The following NAALADL2 variants were observed in gnomAD, a reference collection of about 807,000 sequenced individuals.
NAALADL2 encodes inactive N-acetylated-alpha-linked acidic dipeptidase-like protein 2.
A neutral mutation model predicts 87.2 loss-of-function variants in NAALADL2; 76 were observed. The observed-to-expected ratio is 0.87, with a 90% CI of 0.72 to 1.05. The LOEUF (loss-of-function observed/expected upper bound fraction) is 1.05. Among genes scored for constraint, NAALADL2 ranks in the 50% least tolerant of loss-of-function variants. The pLI, the probability that NAALADL2 is intolerant of heterozygous loss-of-function variation, is 0.00. For missense variants in NAALADL2, 1,089 were observed against 945.8 expected, an observed-to-expected ratio of 1.15 and a Z score of -1.99; for synonymous variants, 354 against 331.0, an observed-to-expected ratio of 1.07 and a Z score of -0.75.
At chr3:175,759,404 G>C (rs939095309) in intron 13 of NAALADL2, among the ~76,000 whole-genome samples, 61 of 151,006 alleles carry the variant, frequency 4.0e-4, no homozygotes, top group African/African-American at 1.3e-3. Flanking sequence ...GTCGCCCAGG[G>C]TGGAGTGCAG....
chr3:175,173,285 C>A (rs1373146611), intron 2 of NAALADL2, among the ~76,000 whole-genome samples: 1 of 146,180 alleles, frequency 6.8e-6, no homozygotes, highest in Non-Finnish European at 1.5e-5. Flanking sequence ...CAGCGAGACT[C>A]CGTTTCAAAA....
chr3:174,487,391 T>A (rs1286039221), intron 1 of NAALADL2, among the ~76,000 whole-genome samples: 4 of 152,100 alleles, frequency 2.6e-5, no homozygotes, highest in Admixed American at 6.6e-5. Flanking sequence ...AAGAATCTCC[T>A]AGGTATTCAT....
At chr3:174,787,949 A>G (rs1185176280) in intron 3 of NAALADL2, among the ~76,000 whole-genome samples, 1 of 151,960 alleles carries the variant, frequency 6.6e-6, no homozygotes, top group Non-Finnish European at 1.5e-5. Flanking sequence ...AAAACAAAAC[A>G]CCAAGTTAGC....
chr3:175,252,467 G>A (rs1339715658), intron 3 of NAALADL2, among the ~76,000 whole-genome samples: 1 of 152,082 alleles, frequency 6.6e-6, no homozygotes, highest in African/African-American at 2.4e-5. Context: ...GTACCCACCA[G>A]CCATTTGCCA....
At chr3:175,289,626 T>C (rs1755408481) in intron 4 of NAALADL2, among the ~76,000 whole-genome samples, 1 of 152,008 alleles carries the variant, frequency 6.6e-6, no homozygotes, top group African/African-American at 2.4e-5. Flanking sequence ...TAAAATTTTA[T>C]AAGAATTTAA....
At chr3:174,970,565 A>G (rs957574760) in intron 1 of NAALADL2, among the ~76,000 whole-genome samples, 1 of 152,212 alleles carries the variant, frequency 6.6e-6, no homozygotes, top group African/African-American at 2.4e-5. Flanking sequence ...CTATTCATTA[A>G]TATAAATGAG....
chr3:175,779,504 AAAAATTATAATGT>A (rs1750723689), intron 13 of NAALADL2, among the ~76,000 whole-genome samples: 1 of 151,816 alleles, frequency 6.6e-6, no homozygotes, highest in Middle Eastern at 3.2e-3. Flanking sequence ...TCAATAGGGC[AAAAATTATAATGT>A]ATTCTTCATA....
rs1031700697 is a variant in NAALADL2, at chr3:174,471,564, A to G, written c.-184+30532A>G. ...TTTTTTTCTACAAAAATTCCATGAGACTATCAATTTTTTTTAAGAGATTTT... is the reference window on the plus strand; with the variant it reads ...TTTTTTTCTACAAAAATTCCATGAGGCTATCAATTTTTTTTAAGAGATTTT... On this transcript the variant is annotated intron_variant, in intron 1 of 3. Coordinates refer to the NAALADL2 transcript ENST00000434257. 3.1e-5 allele frequency among the ~76,000 whole-genome samples: 4 copies of G among 127,850 alleles called. No individual in the cohort carries two copies. In the East Asian group the frequency reaches 1.5e-3, roughly 49 times the overall value. 83.9% of individuals were successfully genotyped at this position (127,850 alleles called of 152,430 possible).
chr3:175,084,686 T>C (rs1718530851), intron 1 of NAALADL2, among the ~76,000 whole-genome samples: 1 of 152,208 alleles, frequency 6.6e-6, no homozygotes, highest in Non-Finnish European at 1.5e-5. Context: ...TTTGGGGTTT[T>C]TCAAAGTTAC....
rs769462653 is a variant in NAALADL2, at chr3:175,755,266, G to A, written c.2037G>A (p.Leu679=). 9.3e-6 allele frequency: 15 copies of A among 1,613,584 alleles called. No individual in the cohort carries two copies. Among genetic ancestry groups the A allele is most frequent in the Non-Finnish European group, 1.3e-5 (15 of 1,179,762 alleles). Residue 679 remains leucine, a synonymous_variant, in exon 13 of 14, where the codon CTG becomes CTA. Transcript: ENST00000454872. ...AACTGTTAGCCATGGCGTTACGCCT[G>A]CGGGAGAGTGCTGAACTTTTTCAGT... ...THQLLAMALR[L]RESAELFQSD...
At chr3:174,780,565 T>C (rs559612322) in intron 3 of NAALADL2, among the ~76,000 whole-genome samples, 1 of 152,296 alleles carries the variant, frequency 6.6e-6, no homozygotes, top group South Asian at 2.1e-4. Context: ...GTACCTGTTT[T>C]CAAAGGGAAT....
rs1042231313 is a variant in NAALADL2 at position 174,928,816 on chromosome 3, G to A, written c.43+69366G>A. 2.0e-5 allele frequency among the ~76,000 whole-genome samples: 3 copies of A among 152,140 alleles called. No homozygotes were observed. The South Asian group carries it at 6.2e-4, about 31-fold the overall frequency. On this transcript the variant is annotated intron_variant, in intron 1 of 13. Transcript: ENST00000454872. ...GTGTATTTCATTGGTGAATGCAATAGTTTGGAATAATGCTTAAATCCATAT... is the reference window on the plus strand; with the variant it reads ...GTGTATTTCATTGGTGAATGCAATAATTTGGAATAATGCTTAAATCCATAT...
chr3:175,514,252 A>T (rs1246833741), intron 9 of NAALADL2, among the ~76,000 whole-genome samples: 4 of 152,168 alleles, frequency 2.6e-5, no homozygotes, highest in Non-Finnish European at 4.4e-5. Context: ...CTATAAATTC[A>T]TTACTTGTGG....
chr3:175,433,760 T>C (rs184260371), intron 5 of NAALADL2, among the ~76,000 whole-genome samples: 1 of 152,116 alleles, frequency 6.6e-6, no homozygotes. Context: ...GAAATGTACA[T>C]CCAAAACAAC....
At chr3:175,779,262 A>C (rs535539345) in intron 13 of NAALADL2, among the ~76,000 whole-genome samples, 9 of 152,206 alleles carry the variant, frequency 5.9e-5, no homozygotes, top group Non-Finnish European at 1.0e-4. Flanking sequence ...GCTGTTTTTC[A>C]AATGTTTTTT....
intron 10 of NAALADL2, among the ~76,000 whole-genome samples, chr3:175,607,072 A>G (rs1293308127): frequency 6.6e-6 from 1 of 152,342 alleles, no homozygotes. Flanking sequence ...AGAGAGAGTA[A>G]GAAGGTGTAT....
chr3:174,528,979 C>T (rs1721008105), intron 1 of NAALADL2, among the ~76,000 whole-genome samples: 1 of 152,172 alleles, frequency 6.6e-6, no homozygotes, highest in Non-Finnish European at 1.5e-5. Context: ...CACGTCCCCA[C>T]ATTTCAAAAG....
rs531503434 is a variant in NAALADL2, at chr3:175,139,906, A to G, written c.545+42615A>G. On this transcript the variant is annotated intron_variant, in intron 2 of 13. Transcript: ENST00000454872. ...ATTTTGACAACTTATCATTCAGTCAACTAATATTTATATAGCGCTAATTGG... is the reference window on the plus strand; with the variant it reads ...ATTTTGACAACTTATCATTCAGTCAGCTAATATTTATATAGCGCTAATTGG... 1.8e-4 allele frequency among the ~76,000 whole-genome samples: 28 copies of G among 152,270 alleles called. No individual in the cohort carries two copies. In the South Asian group the frequency reaches 5.4e-3, roughly 29 times the overall value.
rs556749951 is a variant in NAALADL2, at chr3:175,119,091, A to G, written c.545+21800A>G. 1.1e-4 allele frequency among the ~76,000 whole-genome samples: 16 copies of G among 151,450 alleles called. No individual in the cohort carries two copies. The South Asian group carries it at 1.9e-3, about 18-fold the overall frequency. Reference sequence around the variant, plus strand: ...TTTTTCCCAGTGGTCATTATTGACCATATGCTTACAGTGTGGTAAATATTG... The same window carrying G: ...TTTTTCCCAGTGGTCATTATTGACCGTATGCTTACAGTGTGGTAAATATTG... On this transcript the variant is annotated intron_variant, in intron 2 of 13. Transcript: ENST00000454872.
Sources: gnomAD v4.1 joint callset for allele counts (sites outside exome capture counted in the v4.1 genomes callset) on GRCh38, gnomAD v4.1.1 for gene constraint, MANE v1.5 for transcripts, NCBI Gene and HGNC (gene_info 2026-07-23, HGNC 2026-07-21) for gene names.